Variants in SLC26A8 observed in about 807,000 individuals in gnomAD.
The protein encoded by SLC26A8 is solute carrier family 26 member 8.
SLC26A8 carries 70 observed loss-of-function variants against 105.0 expected under a neutral mutation model. The observed-to-expected ratio is 0.67, with a 90% CI of 0.55 to 0.81. The LOEUF is 0.81. SLC26A8 is among the 40% of genes least tolerant of loss of function. The probability of loss-of-function intolerance (pLI) is 0.00; values close to 1 mark genes in which losing one functional copy is unlikely to be tolerated. For synonymous variants in SLC26A8, 415 were observed against 438.3 expected, an observed-to-expected ratio of 0.95 and a Z score of 0.66; for missense variants, 998 against 1,181.8, an observed-to-expected ratio of 0.84 and a Z score of 2.28.
chr6:35,983,554 CTT>C (rs879555986), intron 7 of SLC26A8, among the ~76,000 whole-genome samples: 14 of 143,546 alleles, frequency 9.8e-5, no homozygotes, highest in Admixed American at 2.1e-4. Context: ...CTTTTGCTCT[CTT>C]TTTTTTTTTT....
intron 9 of SLC26A8, among the ~76,000 whole-genome samples, chr6:35,976,809 G>T (rs1246243527): frequency 1.3e-5 from 2 of 152,086 alleles, no homozygotes; most frequent in Non-Finnish European, 2.9e-5. Context: ...CTCCCAAAGT[G>T]CTGGGATTAC....
At chr6:35,950,271 G>A (rs1174039522) in intron 19 of SLC26A8, among the ~76,000 whole-genome samples, 3 of 151,474 alleles carry the variant, frequency 2.0e-5, no homozygotes, top group Admixed American at 2.0e-4. Context: ...ATTTGAAAAT[G>A]CTAAAGTAGG....
Position 35,955,175 on chromosome 6 carries a change from G to C in SLC26A8, c.2209C>G (p.Arg737Gly). 1 of 1,614,104 alleles carries C rather than the reference G, an allele frequency of 6.2e-7. No homozygotes were observed. Among genetic ancestry groups the C allele is most frequent in the Non-Finnish European group, 8.5e-7 (1 of 1,180,004 alleles). ...ACCTGTCTTAATACGACTAACCCCC[G>C]TGAATCCACGTAGTGTACCATGGAG... is the stretch of plus-strand genomic sequence containing the variant. Reference protein sequence around the residue: ...DFSMVHYVDSRGLVVLRQICN... With the variant: ...DFSMVHYVDSGGLVVLRQICN... The change falls in exon 17 of 20, where the codon CGG (arginine) becomes GGG (glycine). Residue 737 changes from arginine (R) to glycine (G), a missense_variant. By Grantham distance (125) the Arg-to-Gly change is moderately radical. Transcript: ENST00000490799.
chr6:35,944,124 G>C lies in SLC26A8; in HGVS notation c.2689C>G (p.Gln897Glu). 1 of 1,614,024 alleles carries C rather than the reference G, an allele frequency of 6.2e-7. No homozygotes were observed. Among genetic ancestry groups the C allele is most frequent in the Non-Finnish European group, 8.5e-7 (1 of 1,179,994 alleles). ...EPKAETETKTQTEMEPQPETE... is the reference protein window; with the variant it reads ...EPKAETETKTETEMEPQPETE... ...TCAGGCTGGGGCTCCATCTCGGTCT[G>C]GGTCTTGGTCTCGGTCTCAGCCTTG... The change falls in exon 20 of 20, where the codon CAG becomes GAG. Residue 897 changes from glutamine (Q) to glutamate (E), a missense_variant. Gln to Glu is a conservative substitution (Grantham distance 29). Transcript: ENST00000490799.
At chr6:35,945,984 G>A (rs1771643197) in intron 19 of SLC26A8, among the ~76,000 whole-genome samples, 1 of 152,038 alleles carries the variant, frequency 6.6e-6, no homozygotes, top group Non-Finnish European at 1.5e-5. Context: ...TGGTCTTTTT[G>A]CTATCTCCTC....
chr6:35,970,931 G>C (rs948977926), intron 10 of SLC26A8, among the ~76,000 whole-genome samples: 1 of 152,122 alleles, frequency 6.6e-6, no homozygotes, highest in Non-Finnish European at 1.5e-5. Flanking sequence ...GGGAGGCTGA[G>C]GCAGGAGAAT....
intron 10 of SLC26A8, 151 bp from the exon 11 acceptor site, chr6:35,969,105 C>A: frequency 1.6e-6 from 1 of 637,050 alleles, no homozygotes; most frequent in Non-Finnish European, 2.9e-6. Context: ...CTGACATTTT[C>A]AAGTCTTATC....
chr6:35,974,348 C>A (rs1032379621), intron 10 of SLC26A8, among the ~76,000 whole-genome samples: 1 of 152,084 alleles, frequency 6.6e-6, no homozygotes, highest in Non-Finnish European at 1.5e-5. Flanking sequence ...AAACAAAACT[C>A]ATGAACATTA....
rs188586510 is a variant in SLC26A8, at chr6:35,995,180, T to A, written c.628-2506A>T. ...TGCAAATATATGTTACTCTTCTTCA[T>A]ACCATCCCTGCCTTCCATCTTGTAA... is the stretch of plus-strand genomic sequence containing the variant. On this transcript the variant is annotated intron_variant, in intron 5 of 19. Transcript: ENST00000490799. Among the ~76,000 whole-genome samples, 57 of 152,368 alleles carry A rather than the reference T, an allele frequency of 3.7e-4. 1 individual carries two copies. Among genetic ancestry groups the A allele is most frequent in the Admixed American group, 3.7e-3 (56 of 15,306 alleles).
intron 3 of SLC26A8, among the ~76,000 whole-genome samples, chr6:36,006,151 G>A (rs768231091): frequency 6.6e-6 from 1 of 151,462 alleles, no homozygotes; most frequent in East Asian, 1.9e-4. Context: ...ATGGAGTCTC[G>A]CTCTGTTACC....
At position 36,022,807 on chromosome 6, in the gene SLC26A8, T is replaced by C. The variant is rs575447998; in HGVS notation, c.-3+1697A>G. On this transcript the variant is annotated intron_variant, in intron 1 of 19. Coordinates refer to ENST00000490799, the MANE Select transcript of SLC26A8 (RefSeq NM_052961.4). ...TTTCTTGATTTCATAGAAATCCTAG[T>C]GGCTCATTTTCATGTACTAGCAGGA... Among the ~76,000 whole-genome samples the C allele has an allele frequency of 2.0e-4, 30 of 151,924 alleles. No individual in the cohort carries two copies. In the South Asian group the frequency reaches 5.4e-3, roughly 27 times the overall value.
At chr6:36,005,895 T>C in intron 3 of SLC26A8, among the ~76,000 whole-genome samples, 1 of 152,232 alleles carries the variant, frequency 6.6e-6, no homozygotes, top group East Asian at 1.9e-4. Flanking sequence ...ATTTATAAAT[T>C]GGAATTCTAC....
chr6:35,991,597 A>G (rs1410529569), intron 7 of SLC26A8, 62 bp downstream of exon 7: 2 of 1,342,206 alleles, frequency 1.5e-6, no homozygotes, highest in Non-Finnish European at 2.0e-6. Flanking sequence ...AATTCAACTC[A>G]GCATTTTTTT....
intron 11 of SLC26A8, among the ~76,000 whole-genome samples, chr6:35,967,148 C>T (rs1772550467): frequency 6.6e-6 from 1 of 152,140 alleles, no homozygotes; most frequent in Non-Finnish European, 1.5e-5. Flanking sequence ...ACCCTCCTTG[C>T]ATAGATTCCA....
chr6:35,961,266 C>T (rs1377737596), intron 12 of SLC26A8, among the ~76,000 whole-genome samples, 167 bp from the exon 13 acceptor site: 2 of 152,170 alleles, frequency 1.3e-5, no homozygotes, highest in African/African-American at 4.8e-5. Flanking sequence ...CAATGGGGCC[C>T]TCCAGGATGC....
At chr6:36,017,749 A>G (rs1762033518) in intron 2 of SLC26A8, among the ~76,000 whole-genome samples, 1 of 152,254 alleles carries the variant, frequency 6.6e-6, no homozygotes, top group Non-Finnish European at 1.5e-5. Flanking sequence ...ACAAAATTAT[A>G]TAAGATTTAC....
intron 11 of SLC26A8, among the ~76,000 whole-genome samples, chr6:35,964,117 G>A (rs906509099): frequency 6.6e-6 from 1 of 152,138 alleles, no homozygotes; most frequent in Non-Finnish European, 1.5e-5. Flanking sequence ...ACTGAGGTAG[G>A]AGGACCACTT....
intron 1 of SLC26A8, among the ~76,000 whole-genome samples, chr6:36,023,162 T>TATCCATCCATCCATCCATCCATCC (rs68186703): frequency 9.8e-5 from 14 of 143,094 alleles, no homozygotes; most frequent in African/African-American, 2.6e-4. Context: ...ATAGTACCCT[T>TATCCATCCATCCATCCATCCATCC]ATCCATCCAT....
Position 36,019,704 on chromosome 6 carries a change from C to A in SLC26A8, c.4G>T (p.Ala2Ser). M[A>S]QLERSAISGF... ...GAGATGGCGCTCCTCTCTAGTTGTG[C>A]CATTCCTGGATGAGTGGAAAGAGAG... The change falls in exon 2 of 20, where the codon GCA becomes TCA. Residue 2 changes from alanine to serine, a missense_variant. By Grantham distance (99) the Ala-to-Ser change is moderately conservative. Transcript: ENST00000490799. 2 of 1,610,436 alleles carry A rather than the reference C, an allele frequency of 1.2e-6. No individual in the cohort carries two copies. Among genetic ancestry groups the A allele is most frequent in the Admixed American group, 3.4e-5 (2 of 59,666 alleles).
Sources: allele counts gnomAD v4.1 joint callset (sites outside exome capture counted in the v4.1 genomes callset), GRCh38; gene constraint gnomAD v4.1.1; transcripts MANE v1.5; gene names NCBI Gene and HGNC (gene_info 2026-07-23, HGNC 2026-07-21).